Variants in CDC42SE2 observed in about 807,000 individuals in gnomAD.
CDC42SE2 encodes CDC42 small effector protein 2.
Under a neutral mutation model 11.5 loss-of-function variants are expected in CDC42SE2, and 3 were observed. The ratio of observed to expected loss-of-function variants is 0.26; its 90% confidence interval spans 0.12 to 0.67. CDC42SE2 has a LOEUF of 0.67. Ranked by LOEUF, CDC42SE2 falls within the 30% of genes least tolerant of loss-of-function variation. The pLI, the probability that CDC42SE2 is intolerant of heterozygous loss-of-function variation, is 0.80. For missense variants in CDC42SE2, 82 were observed against 106.8 expected (o/e 0.77, Z 1.02); for synonymous variants, 33 against 34.8 (o/e 0.95, Z 0.18).
chr5:131,222,549 T>C, the CDC42SE2 span, among the ~76,000 whole-genome samples: 13 of 152,268 alleles, frequency 8.5e-5, no homozygotes, highest in Non-Finnish European at 1.9e-4. Flanking sequence ...AAGACTTTAC[T>C]AAATGAAATT....
intron 1 of CDC42SE2, among the ~76,000 whole-genome samples, chr5:131,279,216 C>T (rs562915712): frequency 2.0e-5 from 3 of 152,108 alleles, no homozygotes; most frequent in Admixed American, 6.5e-5. Flanking sequence ...CTCTTTACAT[C>T]TGATGATTAC....
chr5:131,341,210 A>G (rs1758704332), intron 2 of CDC42SE2, among the ~76,000 whole-genome samples: 1 of 152,194 alleles, frequency 6.6e-6, no homozygotes, highest in Admixed American at 6.5e-5. Flanking sequence ...ACCCCAGTAC[A>G]ATGATGAAAA....
intron 2 of CDC42SE2, among the ~76,000 whole-genome samples, chr5:131,342,758 G>A (rs1464669664): frequency 6.6e-6 from 1 of 151,570 alleles, no homozygotes; most frequent in Non-Finnish European, 1.5e-5. Flanking sequence ...TATTACTCAG[G>A]TTGGAGTGCA....
chr5:131,329,429 G>A (rs1432055663), intron 2 of CDC42SE2, among the ~76,000 whole-genome samples: 1 of 152,116 alleles, frequency 6.6e-6, no homozygotes, highest in East Asian at 1.9e-4. Context: ...GGGACCAGAA[G>A]TCCATGACAG....
intron 1 of CDC42SE2, among the ~76,000 whole-genome samples, chr5:131,251,368 A>T (rs555051321): frequency 2.6e-5 from 4 of 152,324 alleles, no homozygotes; most frequent in Admixed American, 2.6e-4. Context: ...TTTTCAAGAA[A>T]ACTTTCATCT....
upstream of CDC42SE2, among the ~76,000 whole-genome samples, chr5:131,259,653 T>G (rs1756707162): frequency 6.6e-6 from 1 of 152,238 alleles, no homozygotes; most frequent in African/African-American, 2.4e-5. Context: ...TAGTTAGGAA[T>G]GATCATCTAA....
chr5:131,362,016 C>G (rs149156702), intron 3 of CDC42SE2, among the ~76,000 whole-genome samples: 2 of 152,142 alleles, frequency 1.3e-5, no homozygotes, highest in East Asian at 3.9e-4. Flanking sequence ...GGGGGCACGG[C>G]GGGCCAGGGT....
intron 2 of CDC42SE2, among the ~76,000 whole-genome samples, chr5:131,336,626 G>T (rs1758569706): frequency 6.6e-6 from 1 of 152,074 alleles, no homozygotes; most frequent in African/African-American, 2.4e-5. Flanking sequence ...CGTATATTTG[G>T]TCTTTTCACA....
chr5:131,265,217 A>G (rs1008902360), intron 1 of CDC42SE2, among the ~76,000 whole-genome samples: 1 of 152,210 alleles, frequency 6.6e-6, no homozygotes, highest in Admixed American at 6.5e-5. Context: ...GAAAATATAT[A>G]TCAAATTTGG....
intron 1 of CDC42SE2, among the ~76,000 whole-genome samples, chr5:131,301,325 G>C (rs1374510897): frequency 6.6e-6 from 1 of 152,026 alleles, no homozygotes; most frequent in East Asian, 1.9e-4. Context: ...GCTAAAAGGA[G>C]AATTATTGAA....
chr5:131,313,827 A>C (rs1475614025), intron 1 of CDC42SE2, among the ~76,000 whole-genome samples: 2 of 151,984 alleles, frequency 1.3e-5, no homozygotes, highest in African/African-American at 4.8e-5. Flanking sequence ...TTATTTAATT[A>C]ATTTATTTTA....
the CDC42SE2 span, among the ~76,000 whole-genome samples, chr5:131,222,590 G>C: frequency 6.6e-6 from 1 of 152,186 alleles, no homozygotes; most frequent in South Asian, 2.1e-4. Context: ...TGGAGGTGGA[G>C]ACTCTCCCAT....
chr5:131,355,482 AAAAG>A (rs959733171), intron 2 of CDC42SE2, among the ~76,000 whole-genome samples: 5 of 151,508 alleles, frequency 3.3e-5, no homozygotes, highest in African/African-American at 4.9e-5. Flanking sequence ...TGTCTCAAAA[AAAAG>A]AAAGAGAGAG....
intron 2 of CDC42SE2, among the ~76,000 whole-genome samples, chr5:131,334,817 T>A (rs1217451028): frequency 1.3e-5 from 2 of 152,208 alleles, no homozygotes; most frequent in Non-Finnish European, 2.9e-5. Flanking sequence ...TGATATCCCC[T>A]TTATCATTTT....
At chr5:131,376,153 C>T (rs1357922827) in intron 3 of CDC42SE2, among the ~76,000 whole-genome samples, 4 of 151,920 alleles carry the variant, frequency 2.6e-5, no homozygotes, top group African/African-American at 7.3e-5. Context: ...ACACGAGAAT[C>T]GCTTGAACCC....
chr5:131,305,660 A>G (rs1328786691), intron 1 of CDC42SE2, among the ~76,000 whole-genome samples: 2 of 152,112 alleles, frequency 1.3e-5, no homozygotes, highest in African/African-American at 4.8e-5. Context: ...TTAGCCCTTT[A>G]TCAGATAAAT....
Position 131,386,598 on chromosome 5 carries a change from C to G in CDC42SE2, c.156+954C>G, listed in dbSNP as rs531707769. Among the ~76,000 whole-genome samples the G allele has an allele frequency of 5.3e-5, 8 of 152,302 alleles. No homozygotes were observed. In the East Asian group the frequency reaches 1.3e-3, roughly 26 times the overall value. ...AGTTTCAGAATAGGCTTTAGATCTA[C>G]TCAGCTGACCTTTTAGTCCTTAATT... On this transcript the variant is annotated intron_variant, in intron 4 of 4. Transcript: ENST00000505065.
At chr5:131,354,498 GT>G (rs1462035498) in intron 2 of CDC42SE2, among the ~76,000 whole-genome samples, 1 of 152,048 alleles carries the variant, frequency 6.6e-6, no homozygotes, top group Non-Finnish European at 1.5e-5. Context: ...AGTTTAAATT[GT>G]TTTTGAAATT....
At position 131,392,385 on chromosome 5, in the gene CDC42SE2, C is replaced by T. The variant is rs1750686611; in HGVS notation, c.*1294C>T. On this transcript the variant is annotated 3_prime_UTR_variant, in exon 5 of 5. Coordinates refer to ENST00000505065, the MANE Select transcript of CDC42SE2 (RefSeq NM_001375635.1). ...GCTTCGGTAAGAGCCCATGGGATGC[C>T]AGAAATTAACATTTCTTTGCTGCCA... is the stretch of plus-strand genomic sequence containing the variant. The T allele has an allele frequency of 6.5e-6, 1 of 152,676 alleles. No individual in the cohort carries two copies. The highest frequency in any genetic ancestry group is 2.4e-5 in the African/African-American group (1 of 41,396). The allele number at this position is 152,676 out of a possible 1,614,324, so 9.5% of individuals were successfully genotyped here.
Sources: gnomAD v4.1 joint callset for allele counts (sites outside exome capture counted in the v4.1 genomes callset) on GRCh38, gnomAD v4.1.1 for gene constraint, MANE v1.5 for transcripts, NCBI Gene and HGNC (gene_info 2026-07-23, HGNC 2026-07-21) for gene names.